ADCY2: variants seen among roughly 807,000 people sequenced by gnomAD.
ADCY2 encodes the protein adenylate cyclase type 2.
In ADCY2, 31 loss-of-function variants were observed where a neutral mutation model predicts 125.2. That is an observed-to-expected ratio of 0.25 (90% CI 0.19 to 0.33). The LOEUF is 0.33. Ranked by LOEUF, ADCY2 falls within the 10% of genes least tolerant of loss-of-function variation. ADCY2 has a pLI of 1.00. For synonymous variants in ADCY2, 512 were observed against 548.4 expected (o/e 0.93, Z 0.93); for missense variants, 904 against 1,418.2 (o/e 0.64, Z 5.82).
chr5:7,826,078 A>G (rs1486299131), intron 24 of ADCY2, among the ~76,000 whole-genome samples: 9 of 152,144 alleles, frequency 5.9e-5, no homozygotes, highest in Admixed American at 5.9e-4. Context: ...TTGAGACTTG[A>G]CTGGGAGCAT....
intron 3 of ADCY2, among the ~76,000 whole-genome samples, chr5:7,585,889 C>A (rs937637272): frequency 2.6e-5 from 4 of 152,230 alleles, no homozygotes; most frequent in Non-Finnish European, 5.9e-5. Context: ...TACTCGACAG[C>A]AGTCATCATT....
intron 15 of ADCY2, among the ~76,000 whole-genome samples, chr5:7,749,148 T>C (rs1742725585): frequency 2.0e-5 from 3 of 152,192 alleles, no homozygotes; most frequent in Admixed American, 2.0e-4. Flanking sequence ...CATGGTAACT[T>C]CACATAGTAC....
intron 3 of ADCY2, among the ~76,000 whole-genome samples, chr5:7,568,268 T>G (rs779887649): frequency 2.6e-5 from 4 of 152,190 alleles, no homozygotes; most frequent in Non-Finnish European, 5.9e-5. Context: ...CTGATTTAAA[T>G]ATCTTGGGCT....
intron 20 of ADCY2, among the ~76,000 whole-genome samples, chr5:7,791,659 A>G (rs540985120): frequency 6.6e-6 from 1 of 152,256 alleles, no homozygotes; most frequent in Admixed American, 6.5e-5. Flanking sequence ...TACAATGTCT[A>G]TTAAAGGGCC....
intron 2 of ADCY2, among the ~76,000 whole-genome samples, chr5:7,482,791 T>TATATATATATATATATAC (rs1443104319): frequency 3.3e-4 from 46 of 139,832 alleles, no homozygotes; most frequent in African/African-American, 1.1e-3. Context: ...TATATATATA[T>TATATATATATATATATAC]ACACACACAC....
intron 1 of ADCY2, among the ~76,000 whole-genome samples, chr5:7,406,334 T>C (rs1739488837): frequency 6.6e-6 from 1 of 152,208 alleles, no homozygotes; most frequent in Non-Finnish European, 1.5e-5. Context: ...GTGTGGCTTC[T>C]GTGATCTGGA....
chr5:7,746,240 G>A (rs1742620291), intron 15 of ADCY2: 1 of 152,432 alleles, frequency 6.6e-6, no homozygotes, highest in African/African-American at 2.4e-5. Flanking sequence ...GTGTCAAAGT[G>A]CCCAGGAAGC....
chr5:7,724,472 C>A, intron 12 of ADCY2, 73 bp from the exon 13 acceptor site: 1 of 1,136,086 alleles, frequency 8.8e-7, no homozygotes, highest in Non-Finnish European at 1.3e-6. Flanking sequence ...GATCGCAAGT[C>A]ATTTTAAAAA....
chr5:7,609,502 G>C (rs115826628), intron 3 of ADCY2, among the ~76,000 whole-genome samples: 4,584 of 152,230 alleles, frequency 0.03, 234 homozygotes, highest in African/African-American at 0.1. Context: ...CTTATGTACT[G>C]AATCATAGGT....
chr5:7,815,209 G>T (rs1745071558), intron 22 of ADCY2, among the ~76,000 whole-genome samples: 1 of 152,214 alleles, frequency 6.6e-6, no homozygotes, highest in Admixed American at 6.5e-5. Context: ...GGCATTTATT[G>T]AGTTCTTCTT....
rs1449780653 is a variant in ADCY2 at position 7,698,372 on chromosome 5, A to T, written c.1107A>T (p.Ile369=). 6.2e-7 allele frequency: 1 copy of T among 1,614,126 alleles called. No homozygotes were observed. Among genetic ancestry groups the T allele is most frequent in the East Asian group, 2.2e-5 (1 of 44,884 alleles). Residue 369 remains isoleucine (I), a splice_region_variant and synonymous_variant, in exon 7 of 25, where the codon ATA becomes ATT. Transcript: ENST00000338316. The part of the protein sequence containing the change: ...VKMGLDMCEA[I]KKVRDATGVD... ...TGGGGCTGGACATGTGTGAAGCCATAAAGTAAGTGGACTGCTTAGTAAGCA... is the reference window on the plus strand; with the variant it reads ...TGGGGCTGGACATGTGTGAAGCCATTAAGTAAGTGGACTGCTTAGTAAGCA...
rs1745549044 is a variant in ADCY2 at position 7,828,314 on chromosome 5, C to G, written c.*1443C>G. 6 of 152,594 alleles carry G rather than the reference C, an allele frequency of 3.9e-5. No homozygotes were observed. The highest frequency in any genetic ancestry group is 3.9e-4 in the Admixed American group (6 of 15,288). 9.5% of individuals were successfully genotyped at this position (152,594 alleles called of 1,614,324 possible). On this transcript the variant is annotated 3_prime_UTR_variant, in exon 25 of 25. Coordinates refer to ENST00000338316, the MANE Select transcript of ADCY2 (RefSeq NM_020546.3). ...TTCGTGGGAACTCGAACTTGAAGCA[C>G]AAGTTCCTGGTTTGAATCCTGGCTC...
chr5:7,528,380 A>G (rs1258099268), intron 3 of ADCY2, among the ~76,000 whole-genome samples: 2 of 151,502 alleles, frequency 1.3e-5, no homozygotes, highest in Admixed American at 6.6e-5. Flanking sequence ...AAAGTTAGAG[A>G]CATGGAACTT....
At chr5:7,483,380 G>A (rs1312330171) in intron 2 of ADCY2, among the ~76,000 whole-genome samples, 2 of 151,730 alleles carry the variant, frequency 1.3e-5, no homozygotes, top group African/African-American at 2.4e-5. Flanking sequence ...CAGAGAACAT[G>A]CTAGCCTTTC....
Position 7,564,572 on chromosome 5 carries a change from C to T in ADCY2, c.570+43673C>T, listed in dbSNP as rs1441279024. On this transcript the variant is annotated intron_variant, in intron 3 of 24. Coordinates refer to ENST00000338316, the MANE Select transcript of ADCY2 (RefSeq NM_020546.3). ...TGGAAGCCCATCCTGTGTGCCATGT[C>T]CCTGCCTGTGATCTTCATAGTTGCA... Among the ~76,000 whole-genome samples the T allele has an allele frequency of 2.0e-5, 3 of 152,132 alleles. No homozygotes were observed. The South Asian group carries it at 6.2e-4, about 32-fold the overall frequency.
intron 10 of ADCY2, among the ~76,000 whole-genome samples, chr5:7,711,178 C>A (rs1369289791): frequency 6.6e-6 from 1 of 152,096 alleles, no homozygotes; most frequent in African/African-American, 2.4e-5. Flanking sequence ...ACATTTGAAG[C>A]CATGAGACTA....
At chr5:7,571,652 A>T (rs1033508250) in intron 3 of ADCY2, among the ~76,000 whole-genome samples, 1 of 152,086 alleles carries the variant, frequency 6.6e-6, no homozygotes, top group Non-Finnish European at 1.5e-5. Context: ...TTTGTCCTTT[A>T]CTTTTAAGTT....
chr5:7,690,576 C>T (rs1740671951), intron 4 of ADCY2, 115 bp from the exon 5 acceptor site: 7 of 924,354 alleles, frequency 7.6e-6, no homozygotes, highest in African/African-American at 6.8e-5. Flanking sequence ...TTTTAGCTTC[C>T]AGGAAAGAAT....
chr5:7,460,718 G>A lies in ADCY2; in HGVS notation c.408+45948G>A, dbSNP rs1272973294. 2.0e-5 allele frequency among the ~76,000 whole-genome samples: 3 copies of A among 151,918 alleles called. No homozygotes were observed. The East Asian group carries it at 5.8e-4, about 29-fold the overall frequency. The stretch of plus-strand genomic sequence containing the variant: ...ATTTTTTTTTTGTGGACATGGAATT[G>A]TGTCCACGAGTATGTATTTCTTATG... On this transcript the variant is annotated intron_variant, in intron 2 of 24. Transcript: ENST00000338316.
Sources: gnomAD v4.1 joint callset for allele counts (sites outside exome capture counted in the v4.1 genomes callset) on GRCh38, gnomAD v4.1.1 for gene constraint, MANE v1.5 for transcripts, NCBI Gene and HGNC (gene_info 2026-07-23, HGNC 2026-07-21) for gene names.